MOK: variants seen among roughly 807,000 people sequenced by gnomAD.
MOK encodes MOK protein kinase.
Under a neutral mutation model 54.2 loss-of-function variants are expected in MOK, and 59 were observed. That is an observed-to-expected ratio of 1.09 (90% confidence interval 0.88 to 1.35). The LOEUF is 1.35. Ranked by LOEUF, MOK falls within the 40% of genes most tolerant of loss-of-function variation. The pLI, the probability that MOK is intolerant of heterozygous loss-of-function variation, is 0.00. For synonymous variants in MOK, 210 were observed against 202.7 expected, an observed-to-expected ratio of 1.04 and a Z score of -0.31; for missense variants, 517 against 526.2, an observed-to-expected ratio of 0.98 and a Z score of 0.17.
intron 1 of MOK, among the ~76,000 whole-genome samples, chr14:102,289,457 T>A (rs890301568): frequency 8.5e-5 from 13 of 152,108 alleles, no homozygotes; most frequent in South Asian, 2.1e-4. Context: ...GCCAATTCCC[T>A]CCTGCTCTCG....
At chr14:102,222,390 T>C (rs1249071418), downstream of MOK, among the ~76,000 whole-genome samples, 1 of 152,226 alleles carries the variant, frequency 6.6e-6, no homozygotes, top group East Asian at 1.9e-4. This position sits in a 1 kb window ranked among gnomAD's most constrained non-coding sequence, Gnocchi z 4.4. Flanking sequence ...CACTGAACTC[T>C]ATCCTTGGAG....
intron 2 of MOK, among the ~76,000 whole-genome samples, chr14:102,277,655 T>C (rs1421502046): frequency 6.7e-6 from 1 of 150,348 alleles, no homozygotes. Context: ...TGAACAACAG[T>C]AATGATGAAT....
intron 4 of MOK, among the ~76,000 whole-genome samples, chr14:102,255,189 G>T (rs1465118325): frequency 6.6e-6 from 1 of 152,054 alleles, no homozygotes; most frequent in East Asian, 1.9e-4. Context: ...GTGGCGGCAG[G>T]CGCCTTCAAT....
At chr14:102,223,039 G>A (rs538163811), downstream of MOK, 33 of 777,116 alleles carry the variant, frequency 4.2e-5, no homozygotes, top group Admixed American at 6.2e-4. Flanking sequence ...ACTCTGCGGC[G>A]CCGTGCTCCC....
chr14:102,291,914 C>T (rs145572028), intron 1 of MOK, among the ~76,000 whole-genome samples: 96 of 151,412 alleles, frequency 6.3e-4, no homozygotes, highest in Middle Eastern at 6.8e-3. Flanking sequence ...GCCGAGATCA[C>T]GCCACTGTAC....
At chr14:102,302,130 T>C (rs1269843371) in intron 1 of MOK, among the ~76,000 whole-genome samples, 4 of 150,030 alleles carry the variant, frequency 2.7e-5, no homozygotes, top group Non-Finnish European at 5.9e-5. Context: ...TGGAGTGCAG[T>C]AGTGCGATCT....
chr14:102,250,268 G>A (rs1021196632), intron 7 of MOK, among the ~76,000 whole-genome samples: 4 of 152,208 alleles, frequency 2.6e-5, no homozygotes, highest in Middle Eastern at 3.4e-3. Flanking sequence ...ACCCCTGTGC[G>A]CGTCTTCAAC....
downstream of MOK, among the ~76,000 whole-genome samples, chr14:102,228,331 ACT>A (rs1034840382): frequency 6.6e-6 from 1 of 152,218 alleles, no homozygotes; most frequent in African/African-American, 2.4e-5. Context: ...CAGGCTGGTC[ACT>A]GAGGAGCACA....
chr14:102,247,344 T>C (rs1221047360), intron 7 of MOK: 1 of 152,230 alleles, frequency 6.6e-6, no homozygotes, highest in Non-Finnish European at 1.5e-5. Flanking sequence ...ACTTTTCCTA[T>C]GCAGTACCTC....
intron 2 of MOK, among the ~76,000 whole-genome samples, chr14:102,266,605 G>A (rs1421524292): frequency 4.0e-5 from 6 of 151,632 alleles, no homozygotes; most frequent in Non-Finnish European, 5.9e-5. Context: ...TTTTTGAAAC[G>A]GAGTTTCTCT....
intron 7 of MOK, among the ~76,000 whole-genome samples, chr14:102,248,126 C>T (rs1250655024): frequency 6.6e-6 from 1 of 152,234 alleles, no homozygotes; most frequent in African/African-American, 2.4e-5. Context: ...AACGGCGCCC[C>T]TCTTCTATTA....
intron 4 of MOK, among the ~76,000 whole-genome samples, chr14:102,261,405 AAAAAAAAAAAAAAATATATATATATATAT>A (rs1567187245): frequency 6.4e-5 from 5 of 78,204 alleles, no homozygotes; most frequent in African/African-American, 2.7e-4. Flanking sequence ...AAAAAAAAAA[AAAAAAAAAAAAAAATATATATATATATAT>A]ATATATATAT....
At chr14:102,227,541 G>T (rs2064300145), downstream of MOK, among the ~76,000 whole-genome samples, 1 of 152,168 alleles carries the variant, frequency 6.6e-6, no homozygotes, top group Admixed American at 6.5e-5. Flanking sequence ...GGAGCCCGGG[G>T]AAAGGCCTGC....
chr14:102,299,553 C>T (rs762129307), intron 1 of MOK, among the ~76,000 whole-genome samples: 2 of 152,030 alleles, frequency 1.3e-5, no homozygotes, highest in African/African-American at 4.8e-5. Context: ...CAATAGCAAA[C>T]TGTTACCGTC....
At position 102,263,701 on chromosome 14, in the gene MOK, T is replaced by G; in HGVS notation, c.213-85A>C. ...CAATATTTAATTCATTTGTAAACAT[T>G]TCTAGTAAACATTAGGTACTCCCAC... On this transcript the variant is annotated intron_variant, in intron 3 of 11. Transcript: ENST00000361847. The G allele has an allele frequency of 9.6e-6, 9 of 935,678 alleles. No individual in the cohort carries two copies. The South Asian group carries it at 1.5e-4, about 16-fold the overall frequency. 58.0% of individuals were successfully genotyped at this position (935,678 alleles called of 1,614,324 possible).
chr14:102,261,791 C>T (rs904203791), intron 4 of MOK, among the ~76,000 whole-genome samples: 5 of 151,974 alleles, frequency 3.3e-5, no homozygotes, highest in African/African-American at 1.2e-4. Context: ...CCTGCCTCAG[C>T]CTCCCAAAGT....
rs918013038 is a variant in MOK, at chr14:102,250,352, T to TG, written c.590+459dup. On this transcript the variant is annotated intron_variant, in intron 7 of 11. Coordinates refer to ENST00000361847, the MANE Select transcript of MOK (RefSeq NM_014226.3). ...TGGGCCACTGCTCCTTGCCAAAGGC[T>TG]GGGGGGGAGTGGGGGGTTTGGAGGA... 9.3e-5 allele frequency among the ~76,000 whole-genome samples: 14 copies of TG among 151,032 alleles called. No homozygotes were observed. The South Asian group carries it at 1.3e-3, about 14-fold the overall frequency.
At chr14:102,263,136 G>C (rs1445216914) in intron 4 of MOK, among the ~76,000 whole-genome samples, 2 of 152,272 alleles carry the variant, frequency 1.3e-5, no homozygotes, top group African/African-American at 4.8e-5. Flanking sequence ...CACATGCAGG[G>C]CAGTATTTTG....
At chr14:102,221,774 C>T (rs939833204), downstream of MOK, among the ~76,000 whole-genome samples, 13 of 152,172 alleles carry the variant, frequency 8.5e-5, no homozygotes, top group South Asian at 2.1e-4. The surrounding 1 kb of genome is among the most constrained non-coding windows in gnomAD (Gnocchi z 4.8). Flanking sequence ...TGTGTCCACA[C>T]AAGTCCAATA....
Sources: allele counts gnomAD v4.1 joint callset (sites outside exome capture counted in the v4.1 genomes callset), GRCh38; gene constraint gnomAD v4.1.1; non-coding constraint Gnocchi (gnomAD v3.1); transcripts MANE v1.5; gene names NCBI Gene and HGNC (gene_info 2026-07-23, HGNC 2026-07-21).